The following FHIT variants were observed in gnomAD, a reference collection of about 807,000 sequenced individuals.
The protein encoded by FHIT is fragile histidine triad diadenosine triphosphatase.
In FHIT, 19 loss-of-function variants were observed where a neutral mutation model predicts 17.9. That is an observed-to-expected ratio of 1.06 (90% CI 0.74 to 1.56). FHIT has a LOEUF of 1.56. Among genes scored for constraint, FHIT ranks in the 40% most tolerant of loss-of-function variants. The pLI, the probability that FHIT is intolerant of heterozygous loss-of-function variation, is 0.00. For synonymous variants in FHIT, 81 were observed against 69.7 expected, an observed-to-expected ratio of 1.16 and a Z score of -0.81; for missense variants, 248 against 189.2, an observed-to-expected ratio of 1.31 and a Z score of -1.82.
chr3:60,866,157 A>T (rs182807542), intron 3 of FHIT, among the ~76,000 whole-genome samples: 12 of 152,264 alleles, frequency 7.9e-5, no homozygotes, highest in African/African-American at 2.9e-4. Context: ...GAAGGAATGT[A>T]CTTGATACTT....
chr3:61,040,599 A>C (rs2033460284), intron 3 of FHIT, among the ~76,000 whole-genome samples: 2 of 146,002 alleles, frequency 1.4e-5, no homozygotes, highest in African/African-American at 5.1e-5. Flanking sequence ...GAGTTTTCTA[A>C]TCGTTAATCT....
At chr3:59,778,719 G>A (rs999961112) in intron 8 of FHIT, among the ~76,000 whole-genome samples, 2 of 152,158 alleles carry the variant, frequency 1.3e-5, no homozygotes, top group African/African-American at 4.8e-5. Flanking sequence ...AAAGAACTGG[G>A]GAGTACTTTA....
At chr3:61,139,097 T>C (rs1225609542) in intron 2 of FHIT, among the ~76,000 whole-genome samples, 1 of 150,520 alleles carries the variant, frequency 6.6e-6, no homozygotes, top group Admixed American at 6.6e-5. Flanking sequence ...TGGTGCGATC[T>C]CGGCTCACTG....
intron 5 of FHIT, among the ~76,000 whole-genome samples, chr3:60,023,654 T>A (rs1007024611): frequency 6.6e-6 from 1 of 151,438 alleles, no homozygotes; most frequent in Non-Finnish European, 1.5e-5. Context: ...AGGAAAGAAA[T>A]AGGAAATGAG....
chr3:60,924,924 G>A (rs1575698523), intron 3 of FHIT, among the ~76,000 whole-genome samples: 1 of 152,162 alleles, frequency 6.6e-6, no homozygotes, highest in African/African-American at 2.4e-5. Context: ...ACAAGTCTCA[G>A]TAGCCGATTC....
At chr3:61,202,674 A>C (rs767222495) in intron 1 of FHIT, among the ~76,000 whole-genome samples, 7 of 152,050 alleles carry the variant, frequency 4.6e-5, no homozygotes, top group Non-Finnish European at 1.0e-4. Context: ...CAGAACGCAG[A>C]GATAAAAATA....
chr3:60,244,617 G>T (rs1291008702), intron 5 of FHIT, among the ~76,000 whole-genome samples: 1 of 152,022 alleles, frequency 6.6e-6, no homozygotes, highest in Non-Finnish European at 1.5e-5. Flanking sequence ...GTAAGGCAAT[G>T]AATTTCTGAA....
chr3:59,825,060 TG>T (rs1432283248), intron 8 of FHIT, among the ~76,000 whole-genome samples: 2 of 152,242 alleles, frequency 1.3e-5, no homozygotes, highest in African/African-American at 4.8e-5. Context: ...TTTGTGTGGT[TG>T]GGTTTGTTGT....
intron 5 of FHIT, among the ~76,000 whole-genome samples, chr3:60,389,980 T>C (rs1701157502): frequency 6.6e-6 from 1 of 152,170 alleles, no homozygotes; most frequent in African/African-American, 2.4e-5. Flanking sequence ...TTTCATCTGC[T>C]CCTCTGAAAA....
chr3:60,232,223 C>G (rs893730038), intron 5 of FHIT, among the ~76,000 whole-genome samples: 8 of 152,114 alleles, frequency 5.3e-5, no homozygotes, highest in African/African-American at 1.7e-4. Flanking sequence ...AAAATAAGGT[C>G]ACTCTACACA....
intron 1 of FHIT, among the ~76,000 whole-genome samples, chr3:61,250,184 G>A (rs979882996): frequency 6.6e-6 from 1 of 152,206 alleles, no homozygotes; most frequent in Admixed American, 6.5e-5. Flanking sequence ...CCACGAGGTG[G>A]AGTACCTGCC....
chr3:60,494,668 C>T (rs2594268), intron 5 of FHIT, among the ~76,000 whole-genome samples: 118,920 of 152,076 alleles, frequency 0.78, 46,639 homozygotes, highest in East Asian at 0.87. Flanking sequence ...CTACTTACTA[C>T]CTCTATTAGT....
intron 7 of FHIT, among the ~76,000 whole-genome samples, chr3:59,925,231 A>G (rs987275214): frequency 6.6e-6 from 1 of 151,700 alleles, no homozygotes; most frequent in Admixed American, 6.6e-5. Flanking sequence ...AGCCTCCCAA[A>G]TGGCTGGGAC....
intron 2 of FHIT, among the ~76,000 whole-genome samples, chr3:61,073,226 T>C (rs937865112): frequency 1.3e-5 from 2 of 152,172 alleles, no homozygotes; most frequent in African/African-American, 4.8e-5. Flanking sequence ...TGCTGTTAGA[T>C]CAAAAGAAAT....
At chr3:60,234,902 T>A (rs1337721858) in intron 5 of FHIT, among the ~76,000 whole-genome samples, 1 of 152,198 alleles carries the variant, frequency 6.6e-6, no homozygotes, top group Non-Finnish European at 1.5e-5. Flanking sequence ...AATGATGGTT[T>A]AGTATCACAT....
In FHIT at chr3:61,114,904, C is replaced by T. The variant is rs149293114; in HGVS notation, c.-163-72805G>A. ...CAATGCTTCCAGTACAAAGTTTAAA[C>T]TCCTTAGCTTGCCACTCAATACCCA... On this transcript the variant is annotated intron_variant, in intron 2 of 9. Transcript: ENST00000492590. Among the ~76,000 whole-genome samples the T allele has an allele frequency of 2.7e-4, 41 of 152,288 alleles. 1 individual carries two copies. In the East Asian group the frequency reaches 7.9e-3, roughly 29 times the overall value.
intron 2 of FHIT, among the ~76,000 whole-genome samples, chr3:61,047,188 A>C (rs995967992): frequency 1.3e-5 from 2 of 152,182 alleles, no homozygotes; most frequent in African/African-American, 4.8e-5. Context: ...AGTAAGTCCA[A>C]TTGTTGCTGT....
intron 4 of FHIT, among the ~76,000 whole-genome samples, chr3:60,571,594 A>G (rs2037387309): frequency 6.6e-6 from 1 of 152,136 alleles, no homozygotes; most frequent in East Asian, 1.9e-4. Flanking sequence ...TTCAAGATGA[A>G]GAACAAAAGT....
At chr3:60,114,908 A>G (rs72882706) in intron 5 of FHIT, among the ~76,000 whole-genome samples, 5,191 of 152,232 alleles carry the variant, frequency 0.034, 282 homozygotes, top group African/African-American at 0.12. Context: ...ATCATAGTAT[A>G]CTGAAAAGCC....
Sources: gnomAD v4.1 joint callset for allele counts (sites outside exome capture counted in the v4.1 genomes callset) on GRCh38, gnomAD v4.1.1 for gene constraint, MANE v1.5 for transcripts, NCBI Gene and HGNC (gene_info 2026-07-23, HGNC 2026-07-21) for gene names.